PAPPA: variants seen among roughly 807,000 people sequenced by gnomAD.
PAPPA encodes pappalysin-1.
Under a neutral mutation model 164.0 loss-of-function variants are expected in PAPPA, and 60 were observed. The observed-to-expected ratio is 0.37, with a 90% confidence interval of 0.30 to 0.45. The LOEUF is 0.45. Ranked by LOEUF, PAPPA falls within the 20% of genes least tolerant of loss-of-function variation. The pLI, the probability that PAPPA is intolerant of heterozygous loss-of-function variation, is 1.00. For missense variants in PAPPA, 1,782 were observed against 2,087.3 expected, an observed-to-expected ratio of 0.85 and a Z score of 2.85; for synonymous variants, 875 against 814.1, an observed-to-expected ratio of 1.07 and a Z score of -1.27.
At chr9:116,159,627 A>G (rs965083918) in intron 1 of PAPPA, among the ~76,000 whole-genome samples, 2 of 152,208 alleles carry the variant, frequency 1.3e-5, no homozygotes, top group Non-Finnish European at 2.9e-5. Context: ...ACACAGATCT[A>G]CTGTCGGCCT....
chr9:116,358,849 C>G (rs573772543), intron 17 of PAPPA, among the ~76,000 whole-genome samples: 32 of 152,276 alleles, frequency 2.1e-4, no homozygotes, highest in Non-Finnish European at 4.1e-4. Context: ...GCTGTCAGTT[C>G]CAAAATGTAC....
intron 21 of PAPPA, among the ~76,000 whole-genome samples, chr9:116,386,652 T>G (rs777591969): frequency 1.3e-5 from 2 of 152,158 alleles, no homozygotes; most frequent in South Asian, 4.1e-4. Context: ...GTGCTGAGTT[T>G]CAGAAGAAGA....
chr9:116,263,695 C>T (rs1216008243), intron 7 of PAPPA, among the ~76,000 whole-genome samples: 3 of 152,082 alleles, frequency 2.0e-5, no homozygotes, highest in Non-Finnish European at 4.4e-5. Context: ...AAACACCGGC[C>T]CATGACTTCC....
intron 7 of PAPPA, among the ~76,000 whole-genome samples, chr9:116,249,817 G>A (rs757273472): frequency 6.6e-6 from 1 of 152,186 alleles, no homozygotes; most frequent in Non-Finnish European, 1.5e-5. Flanking sequence ...TTTGGGTTGG[G>A]ATGAAACAAG....
At chr9:116,274,516 A>G (rs1439952942) in intron 9 of PAPPA, among the ~76,000 whole-genome samples, 1 of 152,232 alleles carries the variant, frequency 6.6e-6, no homozygotes, top group Non-Finnish European at 1.5e-5. Context: ...TGAGGTTGAC[A>G]TTGTTCCCAT....
chr9:116,297,335 A>G (rs898544049), intron 9 of PAPPA, among the ~76,000 whole-genome samples: 4 of 152,240 alleles, frequency 2.6e-5, no homozygotes, highest in African/African-American at 9.6e-5. Context: ...ACAGTAACCG[A>G]TAACTTATGA....
intron 7 of PAPPA, among the ~76,000 whole-genome samples, chr9:116,264,121 A>T (rs7031642): frequency 2.6e-5 from 4 of 152,174 alleles, no homozygotes; most frequent in Non-Finnish European, 4.4e-5. Flanking sequence ...TTATCATGTA[A>T]CTTTGTGTAT....
chr9:116,272,614 C>A (rs1017715323), intron 9 of PAPPA, among the ~76,000 whole-genome samples: 9 of 152,158 alleles, frequency 5.9e-5, no homozygotes, highest in Admixed American at 4.6e-4. Context: ...AATAGAAGTG[C>A]TCTGTAAATA....
intron 20 of PAPPA, among the ~76,000 whole-genome samples, chr9:116,379,058 T>C (rs775797478): frequency 4.5e-4 from 69 of 152,318 alleles, no homozygotes; most frequent in Non-Finnish European, 2.4e-4. Flanking sequence ...TTGAGTTACC[T>C]GGGCACTCAT....
Position 116,154,543 on chromosome 9 carries a change from G to A in PAPPA, c.371G>A (p.Trp124Ter). ...LPRDAFTLQV[W>*]LRAEGGQRSP... ...CGGGACGCGTTCACGCTGCAAGTGTGGCTGCGAGCGGAGGGGGGCCAGAGG... is the reference window on the plus strand; with the variant it reads ...CGGGACGCGTTCACGCTGCAAGTGTAGCTGCGAGCGGAGGGGGGCCAGAGG... Residue 124 changes from tryptophan to a stop codon, truncating the protein, a stop_gained, in exon 1 of 22, where the codon TGG becomes TAG. Coordinates refer to ENST00000328252, the MANE Select transcript of PAPPA (RefSeq NM_002581.5). LOFTEE classifies it high-confidence loss of function. The surrounding 1 kb of genome is among the most constrained non-coding windows in gnomAD (Gnocchi z 5.2). 1 of 1,405,932 alleles carries A rather than the reference G, an allele frequency of 7.1e-7. No homozygotes were observed. The allele number at this position is 1,405,932 out of a possible 1,614,324, so 87.1% of individuals were successfully genotyped here.
At chr9:116,264,087 C>T (rs552320333) in intron 7 of PAPPA, among the ~76,000 whole-genome samples, 17 of 152,134 alleles carry the variant, frequency 1.1e-4, no homozygotes, top group African/African-American at 2.9e-4. Flanking sequence ...AAAAAATGAA[C>T]GCATAATACA....
intron 9 of PAPPA, among the ~76,000 whole-genome samples, chr9:116,281,367 G>C (rs966061455): frequency 6.6e-6 from 1 of 152,064 alleles, no homozygotes; most frequent in Non-Finnish European, 1.5e-5. Flanking sequence ...TACCAGCATA[G>C]CTATAATTTC....
chr9:116,323,403 G>A (rs116000869), intron 10 of PAPPA, among the ~76,000 whole-genome samples: 310 of 152,196 alleles, frequency 2.0e-3, no homozygotes, highest in African/African-American at 7.3e-3. Flanking sequence ...TCCCTCCACC[G>A]GGCTATGTTT....
chr9:116,235,701 G>T, intron 7 of PAPPA, 64 bp downstream of exon 7: 1 of 1,528,114 alleles, frequency 6.5e-7, no homozygotes, highest in Admixed American at 1.7e-5. Flanking sequence ...CGTGAGGTGG[G>T]TCAGAGAGGC....
intron 13 of PAPPA, among the ~76,000 whole-genome samples, chr9:116,343,035 A>G (rs1374639935): frequency 6.6e-6 from 1 of 152,226 alleles, no homozygotes; most frequent in Non-Finnish European, 1.5e-5. Context: ...TCTAGTCCAG[A>G]AACATGGGAC....
chr9:116,213,307 G>T (rs1458030800), intron 4 of PAPPA, among the ~76,000 whole-genome samples: 2 of 152,138 alleles, frequency 1.3e-5, no homozygotes, highest in Non-Finnish European at 2.9e-5. Flanking sequence ...GTCCATTTGG[G>T]CTGATGACCC....
rs1843579757 is a variant in PAPPA, at chr9:116,154,670, G to A, written c.415+83G>A. ...GGTGTCTGGGCGCGGGTGGCGGGCG[G>A]GTCGGGGGCTTGCGGGCGTGTCTGT... On this transcript the variant is annotated intron_variant, in intron 1 of 21. Coordinates refer to ENST00000328252, the MANE Select transcript of PAPPA (RefSeq NM_002581.5). The surrounding 1 kb of genome is among the most constrained non-coding windows in gnomAD (Gnocchi z 5.2). 17 of 1,246,090 alleles carry A rather than the reference G, an allele frequency of 1.4e-5. No individual in the cohort carries two copies. The highest frequency in any genetic ancestry group is 1.6e-5 in the African/African-American group (1 of 64,152). 77.2% of individuals were successfully genotyped at this position (1,246,090 alleles called of 1,614,324 possible). A position where few individuals can be genotyped will look rare whatever the true frequency, so the allele number is the denominator to read the frequency against.
chr9:116,375,386 A>G (rs942722565), intron 19 of PAPPA, among the ~76,000 whole-genome samples: 1 of 152,246 alleles, frequency 6.6e-6, no homozygotes, highest in African/African-American at 2.4e-5. Context: ...GAAGGTTGAT[A>G]GTGGCTACAT....
At chr9:116,199,569 A>G (rs1844147036) in intron 2 of PAPPA, among the ~76,000 whole-genome samples, 1 of 152,052 alleles carries the variant, frequency 6.6e-6, no homozygotes, top group Non-Finnish European at 1.5e-5. Context: ...GAAAATGTAA[A>G]CCAGATCATT....
Sources: gnomAD v4.1 joint callset for allele counts (sites outside exome capture counted in the v4.1 genomes callset) on GRCh38, gnomAD v4.1.1 for gene constraint, Gnocchi (gnomAD v3.1) non-coding constraint, MANE v1.5 for transcripts, NCBI Gene and HGNC (gene_info 2026-07-23, HGNC 2026-07-21) for gene names.